Variants in TNKS observed in about 807,000 individuals in gnomAD.
TNKS encodes tankyrase.
TNKS carries 72 observed loss-of-function variants against 135.8 expected under a neutral mutation model. The ratio of observed to expected loss-of-function variants is 0.53; its 90% CI spans 0.44 to 0.64. TNKS has a LOEUF of 0.64. Ranked by LOEUF, TNKS falls within the 30% of genes least tolerant of loss-of-function variation. TNKS has a pLI of 0.00. For missense variants in TNKS, 1,769 were observed against 1,674.0 expected, an observed-to-expected ratio of 1.06 and a Z score of -0.99; for synonymous variants, 849 against 649.3, an observed-to-expected ratio of 1.31 and a Z score of -4.68.
chr8:9,754,039 T>G (rs578016809), intron 20 of TNKS, among the ~76,000 whole-genome samples: 103 of 152,348 alleles, frequency 6.8e-4, no homozygotes, highest in Admixed American at 1.5e-3. Context: ...ATTGCCTTCC[T>G]GTCCTCTCTA....
intron 1 of TNKS, among the ~76,000 whole-genome samples, chr8:9,577,520 C>G (rs1166400916): frequency 6.6e-6 from 1 of 152,022 alleles, no homozygotes; most frequent in Non-Finnish European, 1.5e-5. Flanking sequence ...GCAGGCATGT[C>G]TTATATGGTC....
chr8:9,635,593 T>C (rs536476546), intron 3 of TNKS, among the ~76,000 whole-genome samples: 1 of 152,312 alleles, frequency 6.6e-6, no homozygotes, highest in South Asian at 2.1e-4. Context: ...AAACTATACA[T>C]TGACAAAATC....
At chr8:9,704,615 C>CTTTG (rs573283496) in intron 5 of TNKS, 48 bp from the exon 6 acceptor site, 3 of 1,485,072 alleles carry the variant, frequency 2.0e-6, no homozygotes, top group Non-Finnish European at 2.8e-6. Flanking sequence ...CAAGGATTTT[C>CTTTG]TTTGTTTGTT....
chr8:9,661,096 A>T (rs1220123752), intron 3 of TNKS, among the ~76,000 whole-genome samples: 1 of 152,010 alleles, frequency 6.6e-6, no homozygotes, highest in East Asian at 1.9e-4. Flanking sequence ...ATACAAACAA[A>T]TGGAAGAACA....
chr8:9,658,368 G>A lies in TNKS; in HGVS notation c.995-21583G>A, dbSNP rs943214336. 3.1e-4 allele frequency: 380 copies of A among 1,226,400 alleles called. 1 individual carries two copies. Among genetic ancestry groups the A allele is most frequent in the African/African-American group, 2.7e-3 (168 of 62,046 alleles). The allele number at this position is 1,226,400 out of a possible 1,614,324, so 76.0% of individuals were successfully genotyped here. On this transcript the variant is annotated intron_variant, in intron 3 of 26. Transcript: ENST00000310430. ...CCTCCCAGGCGGCGCTCGCCGGCGCGGCGGCAAAGACTGAGACAGCTCCGC... is the reference window on the plus strand; with the variant it reads ...CCTCCCAGGCGGCGCTCGCCGGCGCAGCGGCAAAGACTGAGACAGCTCCGC...
intron 5 of TNKS, among the ~76,000 whole-genome samples, chr8:9,701,281 T>C (rs561589071): frequency 1.3e-5 from 2 of 152,234 alleles, no homozygotes; most frequent in Non-Finnish European, 2.9e-5. Flanking sequence ...ATTCATTCAT[T>C]TGAGAACTTT....
intron 5 of TNKS, among the ~76,000 whole-genome samples, chr8:9,700,694 T>A (rs1363555846): frequency 6.6e-6 from 1 of 152,080 alleles, no homozygotes; most frequent in Non-Finnish European, 1.5e-5. Context: ...ATCAGTCATT[T>A]CTCAGAGGCT....
At chr8:9,726,873 C>T (rs546980262) in intron 13 of TNKS, among the ~76,000 whole-genome samples, 153 bp downstream of exon 13, 4 of 152,208 alleles carry the variant, frequency 2.6e-5, no homozygotes, top group Admixed American at 2.0e-4. Flanking sequence ...TTAAGGAATT[C>T]CCAGTATGTG....
intron 3 of TNKS, chr8:9,669,993 C>T (rs1299909538): frequency 6.6e-6 from 1 of 152,176 alleles, no homozygotes; most frequent in Admixed American, 6.5e-5. Context: ...AAAAGTGACT[C>T]AGTGCAGTTG....
chr8:9,711,837 A>G (rs975339233), intron 11 of TNKS, among the ~76,000 whole-genome samples: 2 of 152,214 alleles, frequency 1.3e-5, no homozygotes, highest in African/African-American at 4.8e-5. Flanking sequence ...TTGCTGAAAA[A>G]TGATATAAAT....
chr8:9,557,604 C>G (rs918473825), intron 1 of TNKS: 1 of 152,002 alleles, frequency 6.6e-6, no homozygotes, highest in Non-Finnish European at 1.5e-5. Flanking sequence ...GTACGTTATA[C>G]AATTCAAATA....
intron 26 of TNKS, among the ~76,000 whole-genome samples, chr8:9,772,817 G>C (rs979647854): frequency 6.8e-4 from 54 of 78,940 alleles, no homozygotes; most frequent in African/African-American, 2.6e-3. Context: ...GTTTGTGTGT[G>C]TGTGTGTGTG....
At chr8:9,565,788 C>T (rs888996439) in intron 1 of TNKS, among the ~76,000 whole-genome samples, 2 of 151,970 alleles carry the variant, frequency 1.3e-5, no homozygotes, top group African/African-American at 4.8e-5. Flanking sequence ...ACCCCGGAGG[C>T]AGAGCTTGCA....
At chr8:9,599,221 G>A (rs544936876) in intron 2 of TNKS, among the ~76,000 whole-genome samples, 2 of 152,232 alleles carry the variant, frequency 1.3e-5, no homozygotes, top group African/African-American at 4.8e-5. Flanking sequence ...GCTATTATCA[G>A]TTTACCTTTA....
chr8:9,664,897 C>T (rs1015794971), intron 3 of TNKS, among the ~76,000 whole-genome samples: 2 of 152,198 alleles, frequency 1.3e-5, no homozygotes, highest in East Asian at 1.9e-4. Flanking sequence ...CATTTCTATA[C>T]CATATCCCTA....
rs1162198562 is a variant in TNKS, at chr8:9,723,466, C to G, written c.1921+2921C>G. On this transcript the variant is annotated intron_variant, in intron 12 of 26. Transcript: ENST00000310430. ...AAACCTGCACTTTCAACTCTCAAGT[C>G]TGTAGTTGCCAGAAGTTTACATTAA... Among the ~76,000 whole-genome samples the G allele has an allele frequency of 3.3e-5, 5 of 152,148 alleles. No individual in the cohort carries two copies. The East Asian group carries it at 9.6e-4, about 29-fold the overall frequency.
chr8:9,586,860 T>C (rs1798400761), intron 2 of TNKS, among the ~76,000 whole-genome samples: 1 of 151,892 alleles, frequency 6.6e-6, no homozygotes. Context: ...ACTTTGCTCC[T>C]CTTAGAGTAA....
intron 26 of TNKS, among the ~76,000 whole-genome samples, chr8:9,771,445 A>G (rs1427359121): frequency 1.2e-5 from 1 of 81,018 alleles, no homozygotes; most frequent in Admixed American, 1.2e-4. Flanking sequence ...AGAGGAAAGG[A>G]AAAGAGAGAG....
At chr8:9,771,316 GAGA>G (rs752053751) in intron 26 of TNKS, among the ~76,000 whole-genome samples, 9 of 127,270 alleles carry the variant, frequency 7.1e-5, no homozygotes, top group East Asian at 2.4e-4. Context: ...GGAAGGAAGA[GAGA>G]AGAAAGGAGG....
Sources: allele counts gnomAD v4.1 joint callset (sites outside exome capture counted in the v4.1 genomes callset), GRCh38; gene constraint gnomAD v4.1.1; transcripts MANE v1.5; gene names NCBI Gene and HGNC (gene_info 2026-07-23, HGNC 2026-07-21).